The following NBEA variants were observed in gnomAD, a reference collection of about 807,000 sequenced individuals.
The protein encoded by NBEA is neurobeachin.
In NBEA, 44 loss-of-function variants were observed where a neutral mutation model predicts 343.4. The ratio of observed to expected loss-of-function variants is 0.13; its 90% confidence interval spans 0.10 to 0.16. The LOEUF (loss-of-function observed/expected upper bound fraction) is 0.16. NBEA is among the 10% of genes least tolerant of loss of function. The pLI is 1.00. For synonymous variants in NBEA, 1,175 were observed against 1,238.7 expected, an observed-to-expected ratio of 0.95 and a Z score of 1.08; for missense variants, 2,555 against 3,631.3, an observed-to-expected ratio of 0.70 and a Z score of 7.62.
chr13:35,261,467 T>TACC (rs1246600937), intron 34 of NBEA, among the ~76,000 whole-genome samples: 1 of 151,912 alleles, frequency 6.6e-6, no homozygotes, highest in Non-Finnish European at 1.5e-5. Context: ...GCCAAGATTG[T>TACC]ACCACTGCAC....
intron 45 of NBEA, among the ~76,000 whole-genome samples, chr13:35,574,676 A>G (rs564791802): frequency 2.0e-4 from 30 of 152,094 alleles, no homozygotes; most frequent in Non-Finnish European, 3.7e-4. Context: ...GCTTGAGGCC[A>G]GGAGTTTGAG....
chr13:35,043,938 A>G (rs1458049295), intron 2 of NBEA, among the ~76,000 whole-genome samples: 6 of 152,044 alleles, frequency 3.9e-5, no homozygotes, highest in Non-Finnish European at 8.8e-5. Flanking sequence ...TAACCTTTGT[A>G]GTATGTTTCA....
chr13:34,963,283 C>T (rs2059715712), intron 1 of NBEA, among the ~76,000 whole-genome samples: 1 of 151,922 alleles, frequency 6.6e-6, no homozygotes, highest in Admixed American at 6.6e-5. Flanking sequence ...CCGTCTTTTC[C>T]CTTTGTCTTC....
intron 38 of NBEA, among the ~76,000 whole-genome samples, chr13:35,374,126 A>T (rs750398148): frequency 1.3e-5 from 2 of 152,192 alleles, no homozygotes; most frequent in Non-Finnish European, 2.9e-5. Context: ...TTTTGACTTT[A>T]AATGAAAGAC....
chr13:35,492,503 G>A (rs978327510), intron 41 of NBEA, among the ~76,000 whole-genome samples: 12 of 151,898 alleles, frequency 7.9e-5, no homozygotes, highest in East Asian at 1.9e-4. Context: ...AATCATGGAG[G>A]TCTCTCTATC....
intron 38 of NBEA, among the ~76,000 whole-genome samples, chr13:35,364,637 T>G (rs117987051): frequency 0.019 from 2,954 of 151,840 alleles, 55 homozygotes; most frequent in Non-Finnish European, 0.031. Context: ...TAAGGGGGAT[T>G]GAAGATCATG....
chr13:35,034,048 A>G (rs2062345271), intron 1 of NBEA, among the ~76,000 whole-genome samples: 1 of 151,870 alleles, frequency 6.6e-6, no homozygotes, highest in African/African-American at 2.4e-5. Context: ...TATGTTGAAT[A>G]ACAGTGTTAA....
At chr13:35,494,039 TAA>T (rs1448501275) in intron 41 of NBEA, among the ~76,000 whole-genome samples, 3 of 151,950 alleles carry the variant, frequency 2.0e-5, no homozygotes, top group African/African-American at 7.2e-5. Context: ...TAAATATTTT[TAA>T]AAACAACTCT....
chr13:35,353,121 A>G (rs1776675931), intron 38 of NBEA, among the ~76,000 whole-genome samples: 1 of 152,166 alleles, frequency 6.6e-6, no homozygotes, highest in African/African-American at 2.4e-5. Flanking sequence ...ACGGGATACT[A>G]CTAAGAAGAG....
At chr13:35,367,794 A>G (rs777869648) in intron 38 of NBEA, among the ~76,000 whole-genome samples, 27 of 151,418 alleles carry the variant, frequency 1.8e-4, no homozygotes, top group Non-Finnish European at 3.6e-4. Context: ...CCAAATATAA[A>G]CTATCACACT....
chr13:35,608,501 T>A lies in NBEA; in HGVS notation c.7449+1923T>A, dbSNP rs143964205. 3.5e-3 allele frequency among the ~76,000 whole-genome samples: 533 copies of A among 152,266 alleles called. 5 individuals are homozygous for A. Among genetic ancestry groups the A allele is most frequent in the African/African-American group, 0.012 (512 of 41,556 alleles). On this transcript the variant is annotated intron_variant, in intron 48 of 58. Coordinates refer to ENST00000379939, the MANE Select transcript of NBEA (RefSeq NM_001385012.1). ...TACAAATGGAACCCTAAAGGCTCAT[T>A]GTATATCAATATCTCTCAGTCACAT...
In NBEA at chr13:35,250,442, C is replaced by T. The variant is rs553701548; in HGVS notation, c.5776+17823C>T. 3.3e-5 allele frequency among the ~76,000 whole-genome samples: 5 copies of T among 152,244 alleles called. No homozygotes were observed. In the East Asian group the frequency reaches 9.6e-4, roughly 29 times the overall value. On this transcript the variant is annotated intron_variant, in intron 34 of 58. Transcript: ENST00000379939. ...TAAACATGTAAAAAAAAGTCAACCTCATTTGCAATCTCATAAATGGTTAAT... is the reference window on the plus strand; with the variant it reads ...TAAACATGTAAAAAAAAGTCAACCTTATTTGCAATCTCATAAATGGTTAAT...
At chr13:35,436,478 A>G (rs2045444527) in intron 39 of NBEA, among the ~76,000 whole-genome samples, 1 of 152,212 alleles carries the variant, frequency 6.6e-6, no homozygotes, top group Non-Finnish European at 1.5e-5. Flanking sequence ...TGGGAGGCTG[A>G]GGCGGGTGGA....
rs1345061987 is a variant in NBEA at position 35,593,402 on chromosome 13, T to C, written c.7251T>C (p.Val2417=). 1.2e-6 allele frequency: 2 copies of C among 1,612,338 alleles called. No individual in the cohort carries two copies. The highest frequency in any genetic ancestry group is 1.7e-5 in the Admixed American group (1 of 59,934). ...FDHPDRTFSS[V]ARSWRTSQRD... ...ATCCAGATCGAACCTTCTCATCCGT[T>C]GCAAGGTCTTGGAGAACTAGTCAGA... The change falls in exon 47 of 59, where the codon GTT becomes GTC. Residue 2417 remains valine (V), a synonymous_variant. Coordinates refer to ENST00000379939, the MANE Select transcript of NBEA (RefSeq NM_001385012.1).
intron 34 of NBEA, among the ~76,000 whole-genome samples, chr13:35,267,581 G>C (rs1305718063): frequency 6.6e-6 from 1 of 151,492 alleles, no homozygotes; most frequent in East Asian, 1.9e-4. Flanking sequence ...CACAGAAAGA[G>C]ATACATATTT....
At chr13:34,962,626 A>G (rs886779433) in intron 1 of NBEA, among the ~76,000 whole-genome samples, 1 of 152,098 alleles carries the variant, frequency 6.6e-6, no homozygotes, top group African/African-American at 2.4e-5. Context: ...TCTTATTCCC[A>G]ACATGTTTTT....
At chr13:35,457,884 G>A (rs1389964985) in intron 40 of NBEA, among the ~76,000 whole-genome samples, 1 of 151,248 alleles carries the variant, frequency 6.6e-6, no homozygotes, top group African/African-American at 2.4e-5. Flanking sequence ...TGGGATCACA[G>A]GCGTGAGCCA....
chr13:35,197,090 T>G (rs1175403622), intron 31 of NBEA, among the ~76,000 whole-genome samples: 2 of 152,152 alleles, frequency 1.3e-5, no homozygotes, highest in Non-Finnish European at 2.9e-5. Flanking sequence ...TTCCACTATT[T>G]AAAAACATGT....
At chr13:35,121,450 G>A (rs1291314849) in intron 16 of NBEA, among the ~76,000 whole-genome samples, 4 of 150,630 alleles carry the variant, frequency 2.7e-5, no homozygotes, top group Admixed American at 2.0e-4. Flanking sequence ...TATTTTTGCT[G>A]TTTAGTGTTG....
Sources: gnomAD v4.1 joint callset for allele counts (sites outside exome capture counted in the v4.1 genomes callset) on GRCh38, gnomAD v4.1.1 for gene constraint, MANE v1.5 for transcripts, NCBI Gene and HGNC (gene_info 2026-07-23, HGNC 2026-07-21) for gene names.